Variants in PTPRR observed in about 807,000 individuals in gnomAD.
PTPRR encodes the protein receptor-type tyrosine-protein phosphatase R.
Under a neutral mutation model 77.2 loss-of-function variants are expected in PTPRR, and 38 were observed. The ratio of observed to expected loss-of-function variants is 0.49; its 90% CI spans 0.38 to 0.65. The LOEUF (loss-of-function observed/expected upper bound fraction) is 0.65. Ranked by LOEUF, PTPRR falls within the 30% of genes least tolerant of loss-of-function variation. PTPRR has a pLI of 0.00. For synonymous variants in PTPRR, 299 were observed against 283.1 expected, an observed-to-expected ratio of 1.06 and a Z score of -0.57; for missense variants, 744 against 799.2, an observed-to-expected ratio of 0.93 and a Z score of 0.83.
At chr12:70,699,648 C>T (rs58354228) in intron 7 of PTPRR, among the ~76,000 whole-genome samples, 13,130 of 152,212 alleles carry the variant, frequency 0.086, 1,429 homozygotes, top group African/African-American at 0.25. Context: ...TTTCCTTTAC[C>T]TGCATTATGC....
chr12:70,822,480 C>T (rs1295829670), intron 2 of PTPRR, among the ~76,000 whole-genome samples: 2 of 151,978 alleles, frequency 1.3e-5, no homozygotes, highest in African/African-American at 2.4e-5. Flanking sequence ...TGTGTCATGC[C>T]CTGTAGAGGC....
At chr12:70,803,603 A>C (rs961997583) in intron 2 of PTPRR, among the ~76,000 whole-genome samples, 1 of 152,170 alleles carries the variant, frequency 6.6e-6, no homozygotes, top group Non-Finnish European at 1.5e-5. Flanking sequence ...TTCTACTATG[A>C]GAATTCTAGG....
chr12:70,779,652 T>A (rs1392263770), intron 2 of PTPRR, among the ~76,000 whole-genome samples: 2 of 152,222 alleles, frequency 1.3e-5, no homozygotes, highest in Non-Finnish European at 2.9e-5. Context: ...GGTTCTCTGC[T>A]GTCTCCTCAA....
At chr12:70,772,235 T>C (rs1016362402) in intron 2 of PTPRR, among the ~76,000 whole-genome samples, 1 of 152,170 alleles carries the variant, frequency 6.6e-6, no homozygotes, top group African/African-American at 2.4e-5. Context: ...TCAATAACTA[T>C]TGAATGGCTG....
intron 2 of PTPRR, among the ~76,000 whole-genome samples, chr12:70,785,106 T>C (rs1270601813): frequency 1.3e-5 from 2 of 152,230 alleles, no homozygotes; most frequent in African/African-American, 4.8e-5. Context: ...TCACTCTCCA[T>C]CCTGTCCCTT....
intron 2 of PTPRR, chr12:70,788,806 A>T (rs1382222109): frequency 4.7e-6 from 7 of 1,498,554 alleles, no homozygotes; most frequent in African/African-American, 1.4e-5. Flanking sequence ...ATCATGAGAG[A>T]TTATCTCACC....
chr12:70,829,795 T>C (rs1892179976), intron 2 of PTPRR, among the ~76,000 whole-genome samples: 1 of 152,160 alleles, frequency 6.6e-6, no homozygotes, highest in Admixed American at 6.5e-5. Flanking sequence ...GCTGAGGATC[T>C]CATAGGTGCA....
At chr12:70,764,846 C>T in intron 2 of PTPRR, 68 bp from the exon 3 acceptor site, 9 of 1,137,510 alleles carry the variant, frequency 7.9e-6, no homozygotes, top group Non-Finnish European at 1.2e-5. Flanking sequence ...AGAATACATC[C>T]AAATAAGTAT....
At chr12:70,874,259 C>T (rs1006127376) in intron 2 of PTPRR, among the ~76,000 whole-genome samples, 7 of 152,056 alleles carry the variant, frequency 4.6e-5, no homozygotes, top group African/African-American at 1.7e-4. Flanking sequence ...GATTTTAATG[C>T]CCAAACTTTT....
chr12:70,672,648 C>T (rs1007849502), intron 10 of PTPRR: 6 of 1,539,668 alleles, frequency 3.9e-6, no homozygotes, highest in South Asian at 1.1e-5. Context: ...GGGAAGTGGT[C>T]CAGAGCAACA....
At chr12:70,794,129 A>G (rs1326531199) in intron 2 of PTPRR, among the ~76,000 whole-genome samples, 1 of 152,174 alleles carries the variant, frequency 6.6e-6, no homozygotes, top group Non-Finnish European at 1.5e-5. Context: ...AATCCCCCCC[A>G]TAGACAACAG....
chr12:70,919,511 T>A (rs1033099917), intron 1 of PTPRR, among the ~76,000 whole-genome samples: 1 of 152,148 alleles, frequency 6.6e-6, no homozygotes, highest in African/African-American at 2.4e-5. Flanking sequence ...ATCTCTCAGG[T>A]ACTTCCCAAG....
chr12:70,754,360 T>C (rs1890501519), intron 4 of PTPRR, 59 bp from the exon 5 acceptor site: 1 of 1,602,528 alleles, frequency 6.2e-7, no homozygotes, highest in Non-Finnish European at 8.5e-7. Flanking sequence ...ACTGGCGTTC[T>C]TATCAGACAC....
At chr12:70,800,957 C>A (rs1891605002) in intron 2 of PTPRR, among the ~76,000 whole-genome samples, 1 of 151,496 alleles carries the variant, frequency 6.6e-6, no homozygotes. Flanking sequence ...TTAAGTCATG[C>A]ACCTTCTCCC....
intron 2 of PTPRR, among the ~76,000 whole-genome samples, chr12:70,882,917 A>G (rs544042266): frequency 6.6e-6 from 1 of 152,186 alleles, no homozygotes. Context: ...AGAGTATTCA[A>G]TGTGTTTTAT....
chr12:70,868,205 A>T (rs1892893116), intron 2 of PTPRR, among the ~76,000 whole-genome samples: 1 of 152,160 alleles, frequency 6.6e-6, no homozygotes, highest in African/African-American at 2.4e-5. Flanking sequence ...ATTAAACTAA[A>T]GAGCTTCTGC....
At chr12:70,678,910 G>C (rs1274212737) in intron 10 of PTPRR, among the ~76,000 whole-genome samples, 2 of 151,948 alleles carry the variant, frequency 1.3e-5, no homozygotes, top group Non-Finnish European at 2.9e-5. Context: ...TCGAACTCCT[G>C]ACCTCAAGTG....
intron 6 of PTPRR, among the ~76,000 whole-genome samples, chr12:70,704,191 G>C (rs1297152236): frequency 3.3e-5 from 5 of 152,030 alleles, no homozygotes; most frequent in African/African-American, 1.2e-4. Flanking sequence ...GGAGACTGAG[G>C]CAGGAGGATC....
chr12:70,852,595 G>C (rs1444558143), intron 2 of PTPRR, among the ~76,000 whole-genome samples: 2 of 152,138 alleles, frequency 1.3e-5, no homozygotes, highest in Non-Finnish European at 2.9e-5. Context: ...CCTTCATGGA[G>C]CTTAAATCAG....
Sources: allele counts gnomAD v4.1 joint callset (sites outside exome capture counted in the v4.1 genomes callset), GRCh38; gene constraint gnomAD v4.1.1; transcripts MANE v1.5; gene names NCBI Gene and HGNC (gene_info 2026-07-23, HGNC 2026-07-21).